SERINC5: variants seen among roughly 807,000 people sequenced by gnomAD.
SERINC5 encodes chromosome 5 open reading frame 12.
In SERINC5, 41 loss-of-function variants were observed where a neutral mutation model predicts 63.1. The ratio of observed to expected loss-of-function variants is 0.65; its 90% CI spans 0.51 to 0.84. The LOEUF is 0.84. Ranked by LOEUF, SERINC5 falls within the 40% of genes least tolerant of loss-of-function variation. The pLI, the probability that SERINC5 is intolerant of heterozygous loss-of-function variation, is 0.00. For missense variants in SERINC5, 523 were observed against 573.0 expected (o/e 0.91, Z 0.89); for synonymous variants, 222 against 215.2 (o/e 1.03, Z -0.28).
chr5:80,136,470 G>T (rs1745183613), downstream of SERINC5, among the ~76,000 whole-genome samples: 1 of 152,126 alleles, frequency 6.6e-6, no homozygotes, highest in Non-Finnish European at 1.5e-5. Flanking sequence ...ATGGTGCTGG[G>T]AAAACTGGAT....
At chr5:80,157,675 G>A (rs1746628036) in intron 8 of SERINC5, 1 of 152,132 alleles carries the variant, frequency 6.6e-6, no homozygotes, top group Non-Finnish European at 1.5e-5. Context: ...CTATATTGTA[G>A]GTACTCTGCG....
chr5:80,247,268 C>T (rs1033585196), intron 1 of SERINC5, among the ~76,000 whole-genome samples: 5 of 152,284 alleles, frequency 3.3e-5, no homozygotes, highest in East Asian at 1.9e-4. Context: ...CTGGTGACTA[C>T]ATTAAAATAC....
At chr5:80,195,404 T>C (rs1464262997) in intron 2 of SERINC5, among the ~76,000 whole-genome samples, 2 of 152,112 alleles carry the variant, frequency 1.3e-5, no homozygotes, top group African/African-American at 4.8e-5. Context: ...ATAAATTATA[T>C]CCTAAAAAGA....
At chr5:80,204,273 C>A (rs1251871096) in intron 1 of SERINC5, among the ~76,000 whole-genome samples, 1 of 152,136 alleles carries the variant, frequency 6.6e-6, no homozygotes, top group African/African-American at 2.4e-5. Flanking sequence ...TATGGAAGGC[C>A]TAGATTTGCA....
chr5:80,201,231 A>G (rs1373626864), intron 2 of SERINC5, among the ~76,000 whole-genome samples: 2 of 152,192 alleles, frequency 1.3e-5, no homozygotes, highest in African/African-American at 2.4e-5. Flanking sequence ...GCTCCATCAG[A>G]GCCTGCTCCG....
chr5:80,166,284 C>CT, intron 7 of SERINC5, 99 bp downstream of exon 7: 3 of 847,520 alleles, frequency 3.5e-6, no homozygotes, highest in Non-Finnish European at 5.7e-6. Context: ...TTTCTGCTCT[C>CT]TATCTCCAAG....
intron 2 of SERINC5, among the ~76,000 whole-genome samples, chr5:80,184,419 C>T (rs1561404845): frequency 6.6e-6 from 1 of 152,152 alleles, no homozygotes; most frequent in Non-Finnish European, 1.5e-5. Context: ...ATGCTAACAG[C>T]AGCAGGCTGA....
Position 80,142,717 on chromosome 5 carries a change from C to A in SERINC5, c.*946G>T, listed in dbSNP as rs1452558483. 1 of 985,356 alleles carries A rather than the reference C, an allele frequency of 1.0e-6. No homozygotes were observed. The highest frequency in any genetic ancestry group is 1.2e-6 in the Non-Finnish European group (1 of 829,964). 61.0% of individuals were successfully genotyped at this position (985,356 alleles called of 1,614,324 possible). A position where few individuals can be genotyped will look rare whatever the true frequency, so the allele number is the denominator to read the frequency against. ...GGTGGAGAAAAAACTGAGGGGCTGA[C>A]CTCAACAACTGAAAGAGCAGTGCAT... On this transcript the variant is annotated 3_prime_UTR_variant, in exon 12 of 12. Coordinates refer to ENST00000507668, the MANE Select transcript of SERINC5 (RefSeq NM_001174072.3).
At chr5:80,171,737 A>T (rs538588943) in intron 5 of SERINC5, among the ~76,000 whole-genome samples, 8 of 152,048 alleles carry the variant, frequency 5.3e-5, no homozygotes, top group Admixed American at 1.3e-4. Flanking sequence ...AAAACAAACA[A>T]AAAAATTAGC....
intron 8 of SERINC5, among the ~76,000 whole-genome samples, chr5:80,151,322 A>G (rs1746166890): frequency 6.6e-6 from 1 of 152,236 alleles, no homozygotes; most frequent in Non-Finnish European, 1.5e-5. Flanking sequence ...ATCAAAAGCA[A>G]CGAGCCCAGA....
At chr5:80,215,136 G>A (rs1750606707) in intron 1 of SERINC5, among the ~76,000 whole-genome samples, 1 of 152,206 alleles carries the variant, frequency 6.6e-6, no homozygotes, top group Admixed American at 6.5e-5. Flanking sequence ...TGGAGATGGG[G>A]CCTGGTGGCA....
chr5:80,131,693 G>A (rs986764039), intron 11 of SERINC5, among the ~76,000 whole-genome samples: 1 of 152,184 alleles, frequency 6.6e-6, no homozygotes, highest in South Asian at 2.1e-4. Context: ...CAAAGGAAAC[G>A]GGAAGCCATT....
In SERINC5 at chr5:80,229,808, A is replaced by G. The variant is rs1057463511; in HGVS notation, c.27+26088T>C. On this transcript the variant is annotated intron_variant, in intron 1 of 11. Coordinates refer to ENST00000507668, the MANE Select transcript of SERINC5 (RefSeq NM_001174072.3). ...ATTTCATTCAATACAAGGCTACTTAAATGCTCTGTGCCTCTGCTGCCTCAT... is the reference window on the plus strand; with the variant it reads ...ATTTCATTCAATACAAGGCTACTTAGATGCTCTGTGCCTCTGCTGCCTCAT... Among the ~76,000 whole-genome samples the G allele has an allele frequency of 2.0e-5, 3 of 152,194 alleles. No homozygotes were observed. The South Asian group carries it at 6.2e-4, about 31-fold the overall frequency.
At chr5:80,173,221 G>A (rs540280658) in intron 5 of SERINC5, among the ~76,000 whole-genome samples, 1 of 131,300 alleles carries the variant, frequency 7.6e-6, no homozygotes, top group Admixed American at 8.5e-5. Context: ...AAGGCAGGAA[G>A]GAAAGAAGGA....
At position 80,141,364 on chromosome 5, in the gene SERINC5, T is replaced by G. The variant is rs1456519187; in HGVS notation, c.*2299A>C. The G allele has an allele frequency of 8.1e-6, 8 of 985,410 alleles. No homozygotes were observed. Among genetic ancestry groups the G allele is most frequent in the Non-Finnish European group, 9.6e-6 (8 of 829,922 alleles). The allele number at this position is 985,410 out of a possible 1,614,324, so 61.0% of individuals were successfully genotyped here. A position where few individuals can be genotyped will look rare whatever the true frequency, so the allele number is the denominator to read the frequency against. ...CTTCTACCGGCCACACTCCCTTGCT[T>G]GGGCTTCCCTAAGCTGCTTTCTGCA... On this transcript the variant is annotated 3_prime_UTR_variant, in exon 12 of 12. Coordinates refer to ENST00000507668, the MANE Select transcript of SERINC5 (RefSeq NM_001174072.3).
At chr5:80,210,157 T>C (rs1183621075) in intron 1 of SERINC5, among the ~76,000 whole-genome samples, 1 of 152,174 alleles carries the variant, frequency 6.6e-6, no homozygotes, top group Non-Finnish European at 1.5e-5. Flanking sequence ...CTGAAGAAGC[T>C]TCCCCTCCCG....
chr5:80,182,546 C>G lies in SERINC5; in HGVS notation c.196-4482G>C, dbSNP rs559256011. On this transcript the variant is annotated intron_variant, in intron 2 of 11. Coordinates refer to ENST00000507668, the MANE Select transcript of SERINC5 (RefSeq NM_001174072.3). ...CCATAAGCTTCTATCATCTGACCGCCCCCCCCCCCTCCGCTTTTTTTTAAT... is the reference window on the plus strand; with the variant it reads ...CCATAAGCTTCTATCATCTGACCGCGCCCCCCCCCTCCGCTTTTTTTTAAT... Among the ~76,000 whole-genome samples the G allele has an allele frequency of 1.0e-3, 40 of 39,718 alleles. 5 individuals carry two copies. Among genetic ancestry groups the G allele is most frequent in the African/African-American group, 5.2e-3 (32 of 6,130 alleles). 26.1% of individuals were successfully genotyped at this position (39,718 alleles called of 152,430 possible).
intron 1 of SERINC5, chr5:80,255,041 C>T (rs1257821027): frequency 3.3e-5 from 5 of 152,198 alleles, no homozygotes; most frequent in Admixed American, 1.3e-4. Flanking sequence ...TGATAATCCA[C>T]ATGTAAAGGG....
In SERINC5 at chr5:80,140,182, G is replaced by A; in HGVS notation, c.*3481C>T. 2 of 739,638 alleles carry A rather than the reference G, an allele frequency of 2.7e-6. No individual in the cohort carries two copies. The highest frequency in any genetic ancestry group is 3.3e-6 in the Non-Finnish European group (2 of 606,234). 45.8% of individuals were successfully genotyped at this position (739,638 alleles called of 1,614,324 possible). On this transcript the variant is annotated 3_prime_UTR_variant, in exon 12 of 12. Coordinates refer to ENST00000507668, the MANE Select transcript of SERINC5 (RefSeq NM_001174072.3). ...AAAAAAATAAAAATCGGCCAGGTGT[G>A]ATGGGGCAAACCTGTGGTCTCAGCT...
Sources: gnomAD v4.1 joint callset for allele counts (sites outside exome capture counted in the v4.1 genomes callset) on GRCh38, gnomAD v4.1.1 for gene constraint, MANE v1.5 for transcripts, NCBI Gene and HGNC (gene_info 2026-07-23, HGNC 2026-07-21) for gene names.